The following SI variants were observed in gnomAD, a reference collection of about 807,000 sequenced individuals.
The protein encoded by SI is sucrase-isomaltase, intestinal.
A neutral mutation model predicts 253.3 loss-of-function variants in SI; 235 were observed. The ratio of observed to expected loss-of-function variants is 0.93; its 90% CI spans 0.83 to 1.03. The LOEUF is 1.03. Ranked by LOEUF, SI falls within the 50% of genes least tolerant of loss-of-function variation. SI has a pLI of 0.00. For synonymous variants in SI, 819 were observed against 712.0 expected, an observed-to-expected ratio of 1.15 and a Z score of -2.39; for missense variants, 2,442 against 2,211.1, an observed-to-expected ratio of 1.10 and a Z score of -2.09.
At chr3:165,075,449 C>T (rs1423136184) in intron 2 of SI, among the ~76,000 whole-genome samples, 3 of 151,858 alleles carry the variant, frequency 2.0e-5, no homozygotes, top group Non-Finnish European at 2.9e-5. Context: ...TTTCCTCTAC[C>T]TGCCTTTCTC....
chr3:165,071,049 T>G (rs2108105415), intron 3 of SI, among the ~76,000 whole-genome samples: 1 of 152,212 alleles, frequency 6.6e-6, no homozygotes, highest in South Asian at 2.1e-4. Context: ...TTCCTTCCTC[T>G]TATAAGGACG....
At chr3:165,038,123 T>TGGATGACATGAATTG in intron 20 of SI, 99 bp from the exon 21 acceptor site, 3 of 1,108,036 alleles carry the variant, frequency 2.7e-6, no homozygotes, top group Non-Finnish European at 4.0e-6. Flanking sequence ...GCAATTCATG[T>TGGATGACATGAATTG]CATCCAAATG....
rs747388124 is a variant in SI, at chr3:165,046,932, G to A, written c.1796C>T (p.Ala599Val). 43 of 1,612,354 alleles carry A rather than the reference G, an allele frequency of 2.7e-5. No homozygotes were observed. Among genetic ancestry groups the A allele is most frequent in the South Asian group, 1.1e-5 (1 of 90,788 alleles). ...STFAGSGRHAAHWLGDNTASW... is the reference protein window; with the variant it reads ...STFAGSGRHAVHWLGDNTASW... ...AGCAGTATTGTCTCCTAACCAATGC[G>A]CAGCATGTCTTCCAGATCCAGCAAA... The change falls in exon 16 of 48, where the codon GCG (alanine) becomes GTG (valine). Residue 599 changes from alanine (A) to valine (V), a missense_variant. Transcript: ENST00000264382.
In SI at chr3:164,979,413, C is replaced by G. The variant is rs1717071138; in HGVS notation, c.5433G>C (p.Leu1811=). The G allele has an allele frequency of 1.9e-6, 3 of 1,550,452 alleles. No individual in the cohort carries two copies. Among genetic ancestry groups the G allele is most frequent in the Non-Finnish European group, 1.8e-6 (2 of 1,123,782 alleles). Residue 1811 remains leucine, a synonymous_variant, in exon 48 of 48, where the codon CTG becomes CTC. Transcript: ENST00000264382. ...DTTNMILRID[L]TTHNVTLEEP... ...CTTCTAGAGTAACATTGTGTGTGGT[C>G]AGATCAATACGTAATATCTAAAAAA...
At chr3:164,981,965 C>T (rs950080252) in intron 47 of SI, among the ~76,000 whole-genome samples, 1 of 152,020 alleles carries the variant, frequency 6.6e-6, no homozygotes, top group South Asian at 2.1e-4. Context: ...TTCTGAGGCA[C>T]TTTATCATAT....
chr3:165,051,950 C>T (rs1165021837), intron 13 of SI, among the ~76,000 whole-genome samples: 2 of 151,804 alleles, frequency 1.3e-5, no homozygotes, highest in African/African-American at 2.4e-5. Context: ...TGCCAGCTCA[C>T]AATAAAAGGG....
intron 22 of SI, among the ~76,000 whole-genome samples, chr3:165,035,532 A>G (rs1166746135): frequency 6.6e-6 from 1 of 151,612 alleles, no homozygotes; most frequent in East Asian, 1.9e-4. Flanking sequence ...TCAAAAATAA[A>G]TAAATATTCA....
chr3:165,067,154 A>G (rs1432386503), intron 6 of SI, among the ~76,000 whole-genome samples, 186 bp downstream of exon 6: 2 of 151,876 alleles, frequency 1.3e-5, no homozygotes, highest in African/African-American at 4.8e-5. Flanking sequence ...TGTAGATTCT[A>G]ATTTATGTTC....
At chr3:165,050,705 T>C (rs1713382270) in intron 13 of SI, among the ~76,000 whole-genome samples, 1 of 152,122 alleles carries the variant, frequency 6.6e-6, no homozygotes, top group African/African-American at 2.4e-5. Flanking sequence ...TCTATAATAG[T>C]CTCCTTTCAC....
Position 164,979,329 on chromosome 3 carries a change from T to A in SI, c.*33A>T, listed in dbSNP as rs758675228. On this transcript the variant is annotated 3_prime_UTR_variant, in exon 48 of 48. Transcript: ENST00000264382. ...CTGTGAAACTTAAATCCTGGTGTTT[T>A]TTCCCATTGACAACTAAAATTGATG... 1 of 1,307,432 alleles carries A rather than the reference T, an allele frequency of 7.6e-7. No individual in the cohort carries two copies. The highest frequency in any genetic ancestry group is 2.3e-5 in the East Asian group (1 of 43,338). The allele number at this position is 1,307,432 out of a possible 1,614,324, so 81.0% of individuals were successfully genotyped here.
chr3:165,010,140 T>C (rs1312325730), intron 34 of SI, among the ~76,000 whole-genome samples: 6 of 152,084 alleles, frequency 3.9e-5, no homozygotes, highest in Admixed American at 3.3e-4. Flanking sequence ...AATATAGAGA[T>C]TTACAAAATA....
chr3:164,985,704 T>C lies in SI; in HGVS notation c.5197+1434A>G, dbSNP rs1717401878. ...TATCAATTTTTTTGATTAAAGTTTG[T>C]GTCAACAAAATGTTCAGAACGCTCA... On this transcript the variant is annotated intron_variant, in intron 45 of 47. Transcript: ENST00000264382. Among the ~76,000 whole-genome samples, 3 of 152,170 alleles carry C rather than the reference T, an allele frequency of 2.0e-5. No homozygotes were observed. In the South Asian group the frequency reaches 6.2e-4, roughly 32 times the overall value.
chr3:164,983,241 T>C (rs888117662), intron 45 of SI, among the ~76,000 whole-genome samples, 190 bp from the exon 46 acceptor site: 4 of 152,124 alleles, frequency 2.6e-5, no homozygotes, highest in Non-Finnish European at 5.9e-5. Flanking sequence ...GAAGGATGAG[T>C]CACCAGGTAA....
intron 33 of SI, among the ~76,000 whole-genome samples, chr3:165,013,339 T>C (rs1718859663): frequency 6.6e-6 from 1 of 152,072 alleles, no homozygotes; most frequent in South Asian, 2.1e-4. Flanking sequence ...AAAACTAATA[T>C]GAAAAATATA....
intron 27 of SI, among the ~76,000 whole-genome samples, chr3:165,019,973 G>T (rs1247970424): frequency 6.6e-6 from 1 of 151,564 alleles, no homozygotes; most frequent in Non-Finnish European, 1.5e-5. Context: ...TGTAAAATAT[G>T]CTTCATATAC....
chr3:164,995,930 T>C (rs1210559981), intron 40 of SI, among the ~76,000 whole-genome samples: 5 of 151,826 alleles, frequency 3.3e-5, no homozygotes, highest in African/African-American at 1.2e-4. Context: ...CAAGCTTTCA[T>C]TGATTCATGC....
intron 40 of SI, 106 bp from the exon 41 acceptor site, chr3:164,994,511 A>T (rs1717922209): frequency 8.5e-7 from 1 of 1,174,756 alleles, no homozygotes; most frequent in African/African-American, 1.5e-5. Context: ...ATATTAATTG[A>T]TTGTCATGTG....
At chr3:165,008,839 T>A (rs970292404) in intron 35 of SI, among the ~76,000 whole-genome samples, 10 of 151,802 alleles carry the variant, frequency 6.6e-5, no homozygotes, top group African/African-American at 1.9e-4. Flanking sequence ...TTTTATGCTA[T>A]CTAAAAAAAT....
At chr3:165,035,880 T>C (rs1385438831) in intron 22 of SI, among the ~76,000 whole-genome samples, 1 of 151,754 alleles carries the variant, frequency 6.6e-6, no homozygotes, top group African/African-American at 2.4e-5. Context: ...TTGTTTGGTA[T>C]ACTGAATTCC....
Sources: gnomAD v4.1 joint callset for allele counts (sites outside exome capture counted in the v4.1 genomes callset) on GRCh38, gnomAD v4.1.1 for gene constraint, MANE v1.5 for transcripts, NCBI Gene and HGNC (gene_info 2026-07-23, HGNC 2026-07-21) for gene names.